SUPT20H: variants seen among roughly 807,000 people sequenced by gnomAD.
SUPT20H encodes the protein SPT20 homolog, SAGA complex component.
In SUPT20H, 82 loss-of-function variants were observed where a neutral mutation model predicts 122.8. The observed-to-expected ratio is 0.67, with a 90% CI of 0.56 to 0.80. The LOEUF is 0.80. SUPT20H is among the 30% of genes least tolerant of loss of function. The pLI, the probability that SUPT20H is intolerant of heterozygous loss-of-function variation, is 0.00. For synonymous variants in SUPT20H, 291 were observed against 313.0 expected, an observed-to-expected ratio of 0.93 and a Z score of 0.74; for missense variants, 831 against 921.6, an observed-to-expected ratio of 0.90 and a Z score of 1.27.
chr13:37,025,950 A>G (rs1044800241), intron 16 of SUPT20H: 1 of 347,420 alleles, frequency 2.9e-6, no homozygotes, highest in Non-Finnish European at 5.2e-6. Flanking sequence ...AACCATTCTT[A>G]GTAGTTTGGT....
chr13:37,009,585 C>A lies in SUPT20H; in HGVS notation c.*87G>T, dbSNP rs2059225401. On this transcript the variant is annotated 3_prime_UTR_variant, in exon 26 of 26. Transcript: ENST00000350612. ...CATCTAGCAATGTAAAATACTGACA[C>A]ATTAAAAAAAACAAAAAGTAGAAAC... The A allele has an allele frequency of 2.7e-6, 4 of 1,481,660 alleles. No individual in the cohort carries two copies. The highest frequency in any genetic ancestry group is 3.8e-6 in the Non-Finnish European group (4 of 1,061,556). 91.8% of individuals were successfully genotyped at this position (1,481,660 alleles called of 1,614,324 possible).
rs1285070570 is a variant in SUPT20H, at chr13:37,053,730, AAAAAAC to A, written c.-93-2153_-93-2148del. Among the ~76,000 whole-genome samples the A allele has an allele frequency of 2.6e-5, 4 of 152,242 alleles. No individual in the cohort carries two copies. In the South Asian group the frequency reaches 8.3e-4, roughly 32 times the overall value. On this transcript the variant is annotated intron_variant, in intron 1 of 25. Transcript: ENST00000350612. ...ATACATTATCTAGCCTATTTGATAC[AAAAAAC>A]AAAAACAAAAACAAAACGAAACCTC...
In SUPT20H at chr13:37,034,929, A is replaced by C. The variant is rs191415197; in HGVS notation, c.568-1341T>G. On this transcript the variant is annotated intron_variant, in intron 9 of 25. Transcript: ENST00000350612. ...AATGAAACAACAAAGCCTGGATGAC[A>C]GCACATCTGTTTACTGCATGTTTTA... Among the ~76,000 whole-genome samples, 678 of 152,362 alleles carry C rather than the reference A, an allele frequency of 4.4e-3. 2 individuals carry two copies. Among genetic ancestry groups the C allele is most frequent in the Non-Finnish European group, 7.0e-3 (478 of 68,034 alleles).
At chr13:37,014,717 G>A (rs9532005) in intron 23 of SUPT20H, among the ~76,000 whole-genome samples, 138,763 of 152,238 alleles carry the variant, frequency 0.91, 63,389 homozygotes, top group East Asian at 1. Flanking sequence ...AAGGAAATGT[G>A]TAACATTAAT....
chr13:37,055,953 C>T (rs1371122692), intron 1 of SUPT20H, among the ~76,000 whole-genome samples: 9 of 152,126 alleles, frequency 5.9e-5, no homozygotes, highest in Admixed American at 2.6e-4. Flanking sequence ...AATCAGTGGG[C>T]GAAGGATATG....
chr13:37,046,761 ACAT>A (rs2066527707), intron 5 of SUPT20H: 1 of 152,174 alleles, frequency 6.6e-6, no homozygotes, highest in Non-Finnish European at 1.5e-5. Context: ...AAATCTATAA[ACAT>A]GTACAATTTA....
chr13:37,012,216 T>A lies in SUPT20H; in HGVS notation c.2074A>T (p.Ser692Cys), dbSNP rs1216275810. 6.2e-7 allele frequency: 1 copy of A among 1,613,222 alleles called. No individual in the cohort carries two copies. The highest frequency in any genetic ancestry group is 8.5e-7 in the Non-Finnish European group (1 of 1,179,394). Residue 692 changes from serine (S) to cysteine (C), a missense_variant, in exon 24 of 26, where the codon AGT becomes TGT. Ser to Cys is a moderately radical substitution (Grantham distance 112, BLOSUM62 -1). Coordinates refer to ENST00000350612, the MANE Select transcript of SUPT20H (RefSeq NM_001014286.3). ...AAVINLTGVG[S>C]FMQSQAAVLS... is the part of the protein sequence containing the mutation. ...CCAGCTGCCTGTGACTGCATAAAAC[T>A]TCCTACTCCAGTAAGGTTAATAACA...
rs138150803 is a variant in SUPT20H, at chr13:37,047,916, T to C, written c.60A>G (p.Arg20=). The C allele has an allele frequency of 6.7e-4, 1,070 of 1,605,664 alleles. No homozygotes were observed. Among genetic ancestry groups the C allele is most frequent in the Non-Finnish European group, 8.5e-4 (1,001 of 1,176,190 alleles). Residue 20 remains arginine (R), a synonymous_variant, in exon 4 of 26, where the codon CGA becomes CGG. Coordinates refer to ENST00000350612, the MANE Select transcript of SUPT20H (RefSeq NM_001014286.3). ...DRAEYVIESA[R]QRPPKRKYLS... ...GGTATTTCCTTTTAGGAGGTCTCTG[T>C]CGGGCACTTTCAATGACATACTAAA...
chr13:37,016,944 T>A (rs1044242827), intron 23 of SUPT20H, among the ~76,000 whole-genome samples: 2 of 152,162 alleles, frequency 1.3e-5, no homozygotes, highest in African/African-American at 4.8e-5. Context: ...AGAAAATACA[T>A]GAGTGATAGG....
intron 5 of SUPT20H, among the ~76,000 whole-genome samples, chr13:37,046,489 A>G (rs770156335): frequency 1.1e-4 from 16 of 152,184 alleles, no homozygotes; most frequent in Non-Finnish European, 2.2e-4. Flanking sequence ...GCAATACTCA[A>G]TGTGTCTTTG....
chr13:37,012,341 A>G lies in SUPT20H; in HGVS notation c.1993-44T>C, dbSNP rs1402233263. On this transcript the variant is annotated intron_variant, in intron 23 of 25. Transcript: ENST00000350612. ...AATGACTTGTACAAGAAAGAAAAAC[A>G]AATTTGAGCTGGTGAAAAGAAATCA... 4.7e-6 allele frequency: 7 copies of G among 1,491,868 alleles called. No homozygotes were observed. The South Asian group carries it at 8.2e-5, about 18-fold the overall frequency. 92.4% of individuals were successfully genotyped at this position (1,491,868 alleles called of 1,614,324 possible).
intron 5 of SUPT20H, 164 bp downstream of exon 5, chr13:37,047,370 GC>G: frequency 1.6e-6 from 1 of 636,416 alleles, no homozygotes; most frequent in Non-Finnish European, 2.4e-6. Context: ...TCTGCCTGGT[GC>G]CAGATTAGCC....
At chr13:37,043,829 G>A (rs1406810521) in intron 7 of SUPT20H, among the ~76,000 whole-genome samples, 1 of 149,862 alleles carries the variant, frequency 6.7e-6, no homozygotes, top group Non-Finnish European at 1.5e-5. Context: ...CAAACTCCTG[G>A]GCTCAAGTGA....
intron 23 of SUPT20H, chr13:37,013,211 C>CAT (rs1184097430): frequency 4.6e-5 from 7 of 152,004 alleles, no homozygotes; most frequent in Non-Finnish European, 8.8e-5. Flanking sequence ...TAAGACACTA[C>CAT]AATGAACAAG....
At position 37,022,908 on chromosome 13, in the gene SUPT20H, T is replaced by A; in HGVS notation, c.1592-828A>T. 1 of 1,138,384 alleles carries A rather than the reference T, an allele frequency of 8.8e-7. No individual in the cohort carries two copies. The highest frequency in any genetic ancestry group is 1.1e-6 in the Non-Finnish European group (1 of 907,794). 70.5% of individuals were successfully genotyped at this position (1,138,384 alleles called of 1,614,324 possible). A position where few individuals can be genotyped will look rare whatever the true frequency, so the allele number is the denominator to read the frequency against. On this transcript the variant is annotated intron_variant, in intron 19 of 25. Transcript: ENST00000350612. The surrounding 1 kb of genome is among the most constrained non-coding windows in gnomAD (Gnocchi z 4.5). ...CAGTAACTGTGTACTTCTGTTTAAA[T>A]GTAGAATGTATAGAAAATCTGTTGT...
chr13:37,030,077 T>A (rs747917680), intron 12 of SUPT20H, among the ~76,000 whole-genome samples: 3 of 152,240 alleles, frequency 2.0e-5, no homozygotes, highest in Non-Finnish European at 4.4e-5. Flanking sequence ...TAAACACAGC[T>A]GCTTTTCTAG....
rs2059757058 is a variant in SUPT20H, at chr13:37,012,354, TGAAAA to T, written c.1993-62_1993-58del. The T allele has an allele frequency of 7.9e-6, 11 of 1,390,460 alleles. No individual in the cohort carries two copies. The Admixed American group carries it at 1.1e-4, about 14-fold the overall frequency. 86.1% of individuals were successfully genotyped at this position (1,390,460 alleles called of 1,614,324 possible). On this transcript the variant is annotated intron_variant, in intron 23 of 25. Coordinates refer to ENST00000350612, the MANE Select transcript of SUPT20H (RefSeq NM_001014286.3). ...AGAAAGAAAAACAAATTTGAGCTGG[TGAAAA>T]GAAATCAGTATTTTTTCCTATATGA...
intron 1 of SUPT20H, among the ~76,000 whole-genome samples, chr13:37,057,338 C>T (rs2069322762): frequency 1.3e-5 from 2 of 151,688 alleles, no homozygotes; most frequent in African/African-American, 4.8e-5. Context: ...AAAACATTTG[C>T]TCTGAGACTG....
At chr13:37,052,905 G>A (rs1266039358) in intron 1 of SUPT20H, among the ~76,000 whole-genome samples, 1 of 152,134 alleles carries the variant, frequency 6.6e-6, no homozygotes, top group Non-Finnish European at 1.5e-5. Flanking sequence ...CATTTATGCG[G>A]CCAACATATG....
Sources: gnomAD v4.1 joint callset for allele counts (sites outside exome capture counted in the v4.1 genomes callset) on GRCh38, gnomAD v4.1.1 for gene constraint, Gnocchi (gnomAD v3.1) non-coding constraint, MANE v1.5 for transcripts, NCBI Gene and HGNC (gene_info 2026-07-23, HGNC 2026-07-21) for gene names.